The following ABL1 variants were observed in gnomAD, a reference collection of about 807,000 sequenced individuals.
ABL1 encodes the protein ABL proto-oncogene 1, non-receptor tyrosine kinase.
Under a neutral mutation model 94.7 loss-of-function variants are expected in ABL1, and 11 were observed. The observed-to-expected ratio is 0.12, with a 90% CI of 0.07 to 0.19. The LOEUF (loss-of-function observed/expected upper bound fraction) is 0.19, where lower values mean the gene tolerates loss of function less well. Ranked by LOEUF, ABL1 falls within the 10% of genes least tolerant of loss-of-function variation. The pLI, the probability that ABL1 is intolerant of heterozygous loss-of-function variation, is 1.00. For missense variants in ABL1, 1,082 were observed against 1,489.4 expected, an observed-to-expected ratio of 0.73 and a Z score of 4.50; for synonymous variants, 656 against 622.4, an observed-to-expected ratio of 1.05 and a Z score of -0.80.
rs114835405 is a variant in ABL1 at position 130,787,003 on chromosome 9, T to C, written c.137-67061T>C. On this transcript the variant is annotated intron_variant, in intron 1 of 10. Coordinates refer to the ABL1 transcript ENST00000372348. ...GGTCAGGGCCACCATGGCTTTTTGT[T>C]GCATTGATCTCTTTATCATTATATG... Among the ~76,000 whole-genome samples, 775 of 152,362 alleles carry C rather than the reference T, an allele frequency of 5.1e-3. 7 individuals carry two copies. Among genetic ancestry groups the C allele is most frequent in the African/African-American group, 0.018 (739 of 41,588 alleles).
intron 1 of ABL1, among the ~76,000 whole-genome samples, chr9:130,836,778 T>C (rs1830592964): frequency 7.4e-6 from 1 of 134,908 alleles, no homozygotes; most frequent in African/African-American, 2.9e-5. Context: ...TGAGCCAAGA[T>C]CGCGCCACTG....
In ABL1 at chr9:130,885,722, C is replaced by T. The variant is rs35659003; in HGVS notation, c.*39C>T. 20 of 1,580,090 alleles carry T rather than the reference C, an allele frequency of 1.3e-5. No homozygotes were observed. The Admixed American group carries it at 2.9e-4, about 23-fold the overall frequency. On this transcript the variant is annotated 3_prime_UTR_variant, in exon 11 of 11. Coordinates refer to ENST00000318560, the MANE Select transcript of ABL1 (RefSeq NM_005157.6). Reference sequence around the variant, plus strand: ...TCAGGTGTCAGGCCCGTCGGAGCTGCCTGCAGCACATGCGGGCTCGCCCAT... The same window carrying T: ...TCAGGTGTCAGGCCCGTCGGAGCTGTCTGCAGCACATGCGGGCTCGCCCAT...
intron 1 of ABL1, among the ~76,000 whole-genome samples, chr9:130,735,635 T>A (rs1287861984): frequency 6.6e-6 from 1 of 152,012 alleles, no homozygotes; most frequent in Non-Finnish European, 1.5e-5. Context: ...AATATGTATA[T>A]CTTCCTTCTT....
intron 4 of ABL1, among the ~76,000 whole-genome samples, chr9:130,866,743 C>T (rs1001589847): frequency 4.6e-5 from 7 of 152,236 alleles, no homozygotes; most frequent in Admixed American, 1.3e-4. Context: ...TTGGGAACTG[C>T]ACCCTTGAAT....
At chr9:130,787,531 A>G (rs1392932397) in intron 1 of ABL1, among the ~76,000 whole-genome samples, 2 of 152,038 alleles carry the variant, frequency 1.3e-5, no homozygotes, top group Non-Finnish European at 2.9e-5. Context: ...GGGGACAGGG[A>G]AGGTTTCTTG....
intron 1 of ABL1, among the ~76,000 whole-genome samples, chr9:130,760,117 T>C (rs1832092362): frequency 6.6e-6 from 1 of 151,952 alleles, no homozygotes; most frequent in Non-Finnish European, 1.5e-5. Context: ...AGTTGTTTAG[T>C]TTTAAAGATT....
intron 3 of ABL1, among the ~76,000 whole-genome samples, chr9:130,859,591 A>T (rs989411668): frequency 2.6e-5 from 4 of 151,710 alleles, no homozygotes; most frequent in African/African-American, 9.7e-5. Context: ...CCCGGGCCCA[A>T]AGCAGCCAAA....
intron 4 of ABL1, among the ~76,000 whole-genome samples, chr9:130,864,881 A>AC (rs1422786794): frequency 6.6e-6 from 1 of 152,224 alleles, no homozygotes; most frequent in African/African-American, 2.4e-5. Context: ...TTGTCAAATG[A>AC]AGGAAGATTC....
chr9:130,798,242 T>C (rs1356345439), intron 1 of ABL1, among the ~76,000 whole-genome samples: 2 of 152,168 alleles, frequency 1.3e-5, no homozygotes, highest in Non-Finnish European at 2.9e-5. Context: ...CACATTGCAG[T>C]TTTGAAACAT....
chr9:130,738,845 G>A (rs570303054), intron 1 of ABL1, among the ~76,000 whole-genome samples: 2 of 152,194 alleles, frequency 1.3e-5, no homozygotes, highest in Admixed American at 6.5e-5. Context: ...GATATAAGGA[G>A]AAAACATTTT....
chr9:130,726,497 T>C (rs1263263362), intron 1 of ABL1, among the ~76,000 whole-genome samples: 1 of 152,240 alleles, frequency 6.6e-6, no homozygotes, highest in Admixed American at 6.5e-5. Context: ...TTTTTCTCTC[T>C]GTTTCTCTCT....
chr9:130,745,780 T>G (rs748855413), intron 1 of ABL1, among the ~76,000 whole-genome samples: 1 of 152,116 alleles, frequency 6.6e-6, no homozygotes, highest in Non-Finnish European at 1.5e-5. Context: ...ATTAAAGTCC[T>G]GCTTACTTGA....
intron 1 of ABL1, among the ~76,000 whole-genome samples, chr9:130,787,610 T>A (rs1829847429): frequency 6.6e-6 from 1 of 152,100 alleles, no homozygotes; most frequent in Non-Finnish European, 1.5e-5. Flanking sequence ...AGGCAAGATT[T>A]TACCCGAGTC....
At position 130,728,230 on chromosome 9, in the gene ABL1, A is replaced by ATTTTTT. The variant is rs55915035; in HGVS notation, c.136+13788_136+13793dup. 7.6e-4 allele frequency among the ~76,000 whole-genome samples: 78 copies of ATTTTTT among 102,572 alleles called. 5 individuals are homozygous for ATTTTTT. The East Asian group carries it at 0.017, about 22-fold the overall frequency. The allele number at this position is 102,572 out of a possible 152,430, so 67.3% of individuals were successfully genotyped here. A position where few individuals can be genotyped will look rare whatever the true frequency, so the allele number is the denominator to read the frequency against. ...GGGCATGCGCCACCATGTCCAGCTG[A>ATTTTTT]TTTTTTTTTTTTTTTTTTGTGGAGA... is the stretch of plus-strand genomic sequence containing the variant. On this transcript the variant is annotated intron_variant, in intron 1 of 10. Transcript: ENST00000372348.
Position 130,715,372 on chromosome 9 carries a change from G to T in ABL1, c.136+917G>T, listed in dbSNP as rs550516610. ...TATCCTATAAGCAAACGTATGAAGT[G>T]TGCCAGTGGCTTATACTTTGAAATT... On this transcript the variant is annotated intron_variant, in intron 1 of 10. Coordinates refer to the ABL1 transcript ENST00000372348. Among the ~76,000 whole-genome samples the T allele has an allele frequency of 8.5e-5, 13 of 152,318 alleles. No individual in the cohort carries two copies. In the South Asian group the frequency reaches 1.7e-3, roughly 19 times the overall value.
chr9:130,884,466 G>T lies in ABL1; in HGVS notation c.2176G>T (p.Ala726Ser). ...CTCCGCCTCCTGCGTTCCCCATGGG[G>T]CCAAGGACACGGAGTGGAGGTCAGT... ...SCSASCVPHG[A>S]KDTEWRSVTL... Residue 726 changes from alanine to serine, a missense_variant, in exon 11 of 11, where the codon GCC becomes TCC. Around this residue, in one of 7 missense-constraint regions of ABL1, gnomAD observed 780 missense variants for 835.8 expected, o/e 0.93. Transcript: ENST00000318560. The surrounding 1 kb of genome is among the most constrained non-coding windows in gnomAD (Gnocchi z 5.6). 1 of 1,612,998 alleles carries T rather than the reference G, an allele frequency of 6.2e-7. No homozygotes were observed. Among genetic ancestry groups the T allele is most frequent in the Non-Finnish European group, 8.5e-7 (1 of 1,180,022 alleles).
chr9:130,757,800 CA>C (rs956841275), intron 1 of ABL1, among the ~76,000 whole-genome samples: 1 of 152,060 alleles, frequency 6.6e-6, no homozygotes, highest in Non-Finnish European at 1.5e-5. Flanking sequence ...CTCGGCCTCC[CA>C]AAGTGCTGGG....
rs2133038329 is a variant in ABL1, at chr9:130,885,001, C to T, written c.2711C>T (p.Ala904Val). ...AAACCTGCCCCGCCGCCCCCACCAGCAGCCTCTGCAGGGAAGGCTGGAGGA... is the reference window on the plus strand; with the variant it reads ...AAACCTGCCCCGCCGCCCCCACCAGTAGCCTCTGCAGGGAAGGCTGGAGGA... ...RLKPAPPPPP[A>V]ASAGKAGGKP... The change falls in exon 11 of 11, where the codon GCA becomes GTA. Residue 904 changes from alanine to valine, a missense_variant. Physicochemically the swap from Ala to Val is moderately conservative, Grantham distance 64. This residue lies in a region of ABL1 where 780 missense variants were observed against 835.8 expected (regional missense o/e 0.93). Transcript: ENST00000318560. 1 of 1,611,666 alleles carries T rather than the reference C, an allele frequency of 6.2e-7. No homozygotes were observed. Among genetic ancestry groups the T allele is most frequent in the Non-Finnish European group, 8.5e-7 (1 of 1,179,554 alleles).
chr9:130,776,519 G>C (rs996616971), intron 1 of ABL1, among the ~76,000 whole-genome samples: 1 of 151,846 alleles, frequency 6.6e-6, no homozygotes, highest in Non-Finnish European at 1.5e-5. Context: ...GGAGGTTGCA[G>C]TGACCAGAGA....
Sources: gnomAD v4.1 joint callset for allele counts (sites outside exome capture counted in the v4.1 genomes callset) on GRCh38, gnomAD v4.1.1 for gene constraint, gnomAD v4.1.1 regional missense constraint, Gnocchi (gnomAD v3.1) non-coding constraint, MANE v1.5 for transcripts, NCBI Gene and HGNC (gene_info 2026-07-23, HGNC 2026-07-21) for gene names.